The following CACNA2D3 variants were observed in gnomAD, a reference collection of about 807,000 sequenced individuals.
CACNA2D3 encodes voltage-dependent calcium channel subunit alpha-2/delta-3.
A neutral mutation model predicts 160.6 loss-of-function variants in CACNA2D3; 60 were observed. That is an observed-to-expected ratio of 0.37 (90% CI 0.30 to 0.46). The LOEUF (loss-of-function observed/expected upper bound fraction) is 0.46, where lower values mean the gene tolerates loss of function less well. Among genes scored for constraint, CACNA2D3 ranks in the 20% least tolerant of loss-of-function variants. The pLI, the probability that CACNA2D3 is intolerant of heterozygous loss-of-function variation, is 1.00. For synonymous variants in CACNA2D3, 558 were observed against 492.9 expected (o/e 1.13, Z -1.75); for missense variants, 1,205 against 1,365.0 (o/e 0.88, Z 1.85).
At chr3:54,599,182 C>G (rs1162125444) in intron 9 of CACNA2D3, among the ~76,000 whole-genome samples, 1 of 152,170 alleles carries the variant, frequency 6.6e-6, no homozygotes, top group Non-Finnish European at 1.5e-5. Context: ...TCCCCTTAAA[C>G]TCGGGTTGCC....
chr3:54,947,764 G>T (rs1173496635), intron 27 of CACNA2D3, among the ~76,000 whole-genome samples: 1 of 152,192 alleles, frequency 6.6e-6, no homozygotes, highest in Non-Finnish European at 1.5e-5. Flanking sequence ...GGGCTTGGAT[G>T]CTAGCCCTAA....
rs9814300 is a variant in CACNA2D3 at position 54,878,332 on chromosome 3, G to A, written c.1711-686G>A. 5.1e-3 allele frequency among the ~76,000 whole-genome samples: 773 copies of A among 152,046 alleles called. 3 individuals carry two copies. Among genetic ancestry groups the A allele is most frequent in the African/African-American group, 0.018 (746 of 41,472 alleles). On this transcript the variant is annotated intron_variant, in intron 18 of 37. Transcript: ENST00000474759. ...ATGACGGCACATCTTTCATCACTGC[G>A]TCTGCTGTCCTCCTCTGAACTCATG... is the stretch of plus-strand genomic sequence containing the variant.
chr3:54,729,996 C>G (rs1335494084), intron 11 of CACNA2D3, among the ~76,000 whole-genome samples: 1 of 80,088 alleles, frequency 1.2e-5, no homozygotes, highest in Non-Finnish European at 2.6e-5. Context: ...AAGACTCCAT[C>G]TCAAAAAAAA....
intron 5 of CACNA2D3, among the ~76,000 whole-genome samples, chr3:54,558,799 G>T (rs1175020000): frequency 1.3e-5 from 2 of 152,106 alleles, no homozygotes; most frequent in African/African-American, 4.8e-5. Context: ...TGTATAGGTT[G>T]GGTATTATTA....
chr3:54,518,079 G>C (rs1213940975), intron 5 of CACNA2D3, among the ~76,000 whole-genome samples: 4 of 152,182 alleles, frequency 2.6e-5, no homozygotes, highest in African/African-American at 7.2e-5. Context: ...TTCAGGGACT[G>C]ACCACATCTG....
intron 4 of CACNA2D3, among the ~76,000 whole-genome samples, chr3:54,483,440 T>C (rs1054674202): frequency 1.3e-5 from 2 of 152,164 alleles, no homozygotes; most frequent in Non-Finnish European, 2.9e-5. Flanking sequence ...CAAGACAAAA[T>C]TGAAGTTGTT....
intron 6 of CACNA2D3, among the ~76,000 whole-genome samples, chr3:54,565,641 T>A (rs1702397961): frequency 6.6e-6 from 1 of 152,214 alleles, no homozygotes; most frequent in Non-Finnish European, 1.5e-5. Flanking sequence ...GAAATTTAAA[T>A]GTTATTTAAC....
intron 2 of CACNA2D3, among the ~76,000 whole-genome samples, chr3:54,193,171 C>T (rs1701013093): frequency 6.6e-6 from 1 of 151,516 alleles, no homozygotes; most frequent in Non-Finnish European, 1.5e-5. Flanking sequence ...TGATACTTCC[C>T]AGTTATGTGG....
At chr3:55,021,647 G>A (rs9857644) in intron 35 of CACNA2D3, among the ~76,000 whole-genome samples, 93 of 140,950 alleles carry the variant, frequency 6.6e-4, no homozygotes, top group African/African-American at 2.3e-3. Flanking sequence ...ATATATATGT[G>A]TATATATATA....
chr3:54,792,200 C>G (rs1702771796), intron 13 of CACNA2D3, among the ~76,000 whole-genome samples: 1 of 152,086 alleles, frequency 6.6e-6, no homozygotes, highest in African/African-American at 2.4e-5. Flanking sequence ...GCAACTGATG[C>G]CTGAGGTCTA....
chr3:54,676,849 C>T (rs984741208), intron 11 of CACNA2D3, among the ~76,000 whole-genome samples: 7 of 152,134 alleles, frequency 4.6e-5, no homozygotes, highest in South Asian at 2.1e-4. Flanking sequence ...ATTTTGAGGC[C>T]ATCTCCCTTG....
intron 9 of CACNA2D3, among the ~76,000 whole-genome samples, chr3:54,625,063 G>GGGCAGAAAGAAAAGAGA (rs1452995594): frequency 6.6e-6 from 1 of 152,206 alleles, no homozygotes; most frequent in Non-Finnish European, 1.5e-5. Flanking sequence ...CTTGAGAACT[G>GGGCAGAAAGAAAAGAGA]GGCAGAAAGA....
Position 54,919,015 on chromosome 3 carries a change from G to A in CACNA2D3, c.2449+19147G>A, listed in dbSNP as rs574197693. 3.2e-5 allele frequency: 24 copies of A among 743,874 alleles called. No individual in the cohort carries two copies. In the East Asian group the frequency reaches 7.1e-4, roughly 22 times the overall value. 46.1% of individuals were successfully genotyped at this position (743,874 alleles called of 1,614,324 possible). ...AGTACCTTTTTTTTTTTTAAATCCT[G>A]GAGTCAAAGAATTTAACAACCATAT... On this transcript the variant is annotated intron_variant, in intron 27 of 37. Coordinates refer to ENST00000474759, the MANE Select transcript of CACNA2D3 (RefSeq NM_018398.3).
At chr3:54,263,665 G>T (rs375589607) in intron 2 of CACNA2D3, among the ~76,000 whole-genome samples, 8 of 152,152 alleles carry the variant, frequency 5.3e-5, no homozygotes, top group African/African-American at 1.9e-4. Context: ...TGGTTTGTGG[G>T]TTTCTCAGTT....
intron 2 of CACNA2D3, among the ~76,000 whole-genome samples, chr3:54,203,403 G>A (rs2107351852): frequency 6.6e-6 from 1 of 152,266 alleles, no homozygotes; most frequent in East Asian, 1.9e-4. Context: ...AGCCCTTGTG[G>A]GTGTGTGTTA....
intron 11 of CACNA2D3, among the ~76,000 whole-genome samples, chr3:54,676,721 G>A (rs2106907023): frequency 6.6e-6 from 1 of 152,248 alleles, no homozygotes; most frequent in Admixed American, 6.5e-5. Flanking sequence ...GAAGGTCGGA[G>A]GTGCACTGTC....
intron 11 of CACNA2D3, among the ~76,000 whole-genome samples, chr3:54,746,805 AATT>A (rs1297396238): frequency 2.6e-5 from 4 of 152,100 alleles, no homozygotes; most frequent in Admixed American, 1.3e-4. Context: ...GCAAGAGTGG[AATT>A]ATTATAATTC....
At chr3:54,204,796 G>GAAAAAAAAAAAAAAAAAAAAAAAA (rs57129457) in intron 2 of CACNA2D3, among the ~76,000 whole-genome samples, 43 of 74,074 alleles carry the variant, frequency 5.8e-4, no homozygotes, top group South Asian at 1.5e-3. Flanking sequence ...ATGCTGTCTT[G>GAAAAAAAAAAAAAAAAAAAAAAAA]AAAAAAAAAA....
At chr3:54,443,620 C>T (rs1700177123) in intron 4 of CACNA2D3, among the ~76,000 whole-genome samples, 2 of 152,114 alleles carry the variant, frequency 1.3e-5, no homozygotes, top group Admixed American at 6.5e-5. Context: ...CAGACAGATC[C>T]TTGGCCGACG....
Sources: gnomAD v4.1 joint callset for allele counts (sites outside exome capture counted in the v4.1 genomes callset) on GRCh38, gnomAD v4.1.1 for gene constraint, MANE v1.5 for transcripts, NCBI Gene and HGNC (gene_info 2026-07-23, HGNC 2026-07-21) for gene names.